Variants in TMPRSS15 observed in about 807,000 individuals in gnomAD.
The protein encoded by TMPRSS15 is enteropeptidase.
In TMPRSS15, 128 loss-of-function variants were observed where a neutral mutation model predicts 125.3. The observed-to-expected ratio is 1.02, with a 90% CI of 0.89 to 1.18. The LOEUF is 1.18. Among genes scored for constraint, TMPRSS15 ranks in the 50% most tolerant of loss-of-function variants. The pLI, the probability that TMPRSS15 is intolerant of heterozygous loss-of-function variation, is 0.00. For synonymous variants in TMPRSS15, 446 were observed against 423.2 expected, an observed-to-expected ratio of 1.05 and a Z score of -0.66; for missense variants, 1,283 against 1,212.7, an observed-to-expected ratio of 1.06 and a Z score of -0.86.
chr21:18,392,880 T>A (rs761665550), intron 3 of TMPRSS15, among the ~76,000 whole-genome samples: 1 of 152,104 alleles, frequency 6.6e-6, no homozygotes, highest in African/African-American at 2.4e-5. Flanking sequence ...TCAGATCTCA[T>A]GAGAACTCAT....
intron 4 of TMPRSS15, among the ~76,000 whole-genome samples, chr21:18,382,990 A>G (rs1047297112): frequency 6.6e-6 from 1 of 152,150 alleles, no homozygotes; most frequent in African/African-American, 2.4e-5. Flanking sequence ...ATTTTTATAA[A>G]TAGGTAACTG....
intron 17 of TMPRSS15, among the ~76,000 whole-genome samples, chr21:18,313,482 T>A (rs545764123): frequency 1.3e-5 from 2 of 151,258 alleles, no homozygotes; most frequent in African/African-American, 4.8e-5. Flanking sequence ...TAGAATTAAA[T>A]TTTTCAAATA....
At chr21:18,275,134 AATGAAATAACTAT>A in intron 24 of TMPRSS15, 50 bp downstream of exon 24, 1 of 1,573,248 alleles carries the variant, frequency 6.4e-7, no homozygotes, top group East Asian at 2.2e-5. Context: ...ATTGTTAAGC[AATGAAATAACTAT>A]AACACCAGTG....
In TMPRSS15 at chr21:18,353,069, A is replaced by T; in HGVS notation, c.1022-17T>A. 5 of 1,606,228 alleles carry T rather than the reference A, an allele frequency of 3.1e-6. No individual in the cohort carries two copies. The highest frequency in any genetic ancestry group is 4.3e-6 in the Non-Finnish European group (5 of 1,176,458). ...TCTCATAATCTGTGAATGAAAAAAA[A>T]GAAGGAATAAAAAAAATTTAGTCCA... is the stretch of plus-strand genomic sequence containing the variant. On this transcript the variant is annotated splice_polypyrimidine_tract_variant and intron_variant, in intron 9 of 24. Coordinates refer to ENST00000284885, the MANE Select transcript of TMPRSS15 (RefSeq NM_002772.3).
At chr21:18,342,997 C>G (rs1053371513) in intron 12 of TMPRSS15, among the ~76,000 whole-genome samples, 2 of 152,162 alleles carry the variant, frequency 1.3e-5, no homozygotes, top group Non-Finnish European at 2.9e-5. Flanking sequence ...AATTAATTCA[C>G]CTTAATGTGA....
At chr21:18,451,342 GTC>G (rs113351836) in intron 1 of TMPRSS15, among the ~76,000 whole-genome samples, 7,495 of 151,650 alleles carry the variant, frequency 0.049, 498 homozygotes, top group African/African-American at 0.15. Flanking sequence ...TGAACTAAAT[GTC>G]TGTTTTTATT....
chr21:18,426,077 T>G (rs2076202070), intron 1 of TMPRSS15, among the ~76,000 whole-genome samples: 1 of 152,166 alleles, frequency 6.6e-6, no homozygotes, highest in Non-Finnish European at 1.5e-5. Context: ...TGTAATGATG[T>G]CTTCCTTTTC....
chr21:18,389,522 A>G (rs1486449796), intron 3 of TMPRSS15, among the ~76,000 whole-genome samples: 2 of 152,206 alleles, frequency 1.3e-5, no homozygotes, highest in Admixed American at 1.3e-4. Flanking sequence ...CAAATAATTT[A>G]CAATTTTAAA....
chr21:18,396,792 A>AATCTGTCTGTCTG (rs1408156983), intron 3 of TMPRSS15, among the ~76,000 whole-genome samples: 142 of 112,772 alleles, frequency 1.3e-3, no homozygotes, highest in African/African-American at 4.8e-3. Flanking sequence ...AAAAAAAAAA[A>AATCTGTCTGTCTG]TCTGTCTGTC....
intron 18 of TMPRSS15, among the ~76,000 whole-genome samples, chr21:18,299,114 T>G (rs1417807077): frequency 6.6e-6 from 1 of 152,218 alleles, no homozygotes; most frequent in African/African-American, 2.4e-5. Flanking sequence ...TGAAATGGAT[T>G]TACCAAGGGA....
intron 1 of TMPRSS15, among the ~76,000 whole-genome samples, chr21:18,467,492 A>G (rs1368020112): frequency 6.6e-6 from 1 of 152,070 alleles, no homozygotes; most frequent in Non-Finnish European, 1.5e-5. Flanking sequence ...TTTGAGTAAT[A>G]AGTCTTGATA....
At chr21:18,383,562 A>G (rs1173316302) in intron 4 of TMPRSS15, 65 bp downstream of exon 4, 7 of 1,564,298 alleles carry the variant, frequency 4.5e-6, no homozygotes, top group Non-Finnish European at 5.2e-6. Context: ...CCTCCCTGGT[A>G]TATTGCTAGA....
At chr21:18,388,118 C>A (rs999603032) in intron 3 of TMPRSS15, among the ~76,000 whole-genome samples, 1 of 152,064 alleles carries the variant, frequency 6.6e-6, no homozygotes, top group African/African-American at 2.4e-5. Context: ...ATCTAACAGA[C>A]GTTTTTATGA....
At position 18,315,242 on chromosome 21, in the gene TMPRSS15, C is replaced by T. The variant is rs1044856468; in HGVS notation, c.1936G>A (p.Asp646Asn). 22 of 1,612,996 alleles carry T rather than the reference C, an allele frequency of 1.4e-5. No homozygotes were observed. Among genetic ancestry groups the T allele is most frequent in the Non-Finnish European group, 1.8e-5 (21 of 1,179,490 alleles). The change falls in exon 17 of 25, where the codon GAC becomes AAC. Residue 646 changes from aspartate (D) to asparagine (N), a missense_variant. Physicochemically the swap from Asp to Asn is conservative, Grantham distance 23. Coordinates refer to ENST00000284885, the MANE Select transcript of TMPRSS15 (RefSeq NM_002772.3). ...HLGIPEPCKADHFQCKNGECV... is the reference protein window; with the variant it reads ...HLGIPEPCKANHFQCKNGECV... ...TCTCCATTTTTACATTGAAAATGGT[C>T]TGCCTTGCATGGCTCTATGGGGAAA...
chr21:18,337,808 G>A (rs930260160), intron 13 of TMPRSS15, among the ~76,000 whole-genome samples: 1 of 151,946 alleles, frequency 6.6e-6, no homozygotes, highest in East Asian at 1.9e-4. Context: ...TCATTGATCT[G>A]GAACCAAAAA....
intron 8 of TMPRSS15, among the ~76,000 whole-genome samples, chr21:18,355,406 A>T (rs2075615231): frequency 6.6e-6 from 1 of 151,858 alleles, no homozygotes; most frequent in Non-Finnish European, 1.5e-5. Context: ...CTTACCTTGA[A>T]TTCCATTAAC....
intron 1 of TMPRSS15, among the ~76,000 whole-genome samples, chr21:18,448,279 T>C (rs958949136): frequency 1.3e-5 from 2 of 152,194 alleles, no homozygotes; most frequent in African/African-American, 4.8e-5. Flanking sequence ...TATGACATTG[T>C]GTCTAATTGA....
Position 18,440,904 on chromosome 21 carries a change from C to T in TMPRSS15, c.11-42575G>A, listed in dbSNP as rs145437326. 7.7e-3 allele frequency among the ~76,000 whole-genome samples: 1,174 copies of T among 152,104 alleles called. 19 individuals are homozygous for T. Among genetic ancestry groups the T allele is most frequent in the African/African-American group, 0.027 (1,119 of 41,502 alleles). On this transcript the variant is annotated intron_variant, in intron 1 of 7. Coordinates refer to the TMPRSS15 transcript ENST00000422787. ...TTTTCTGCTTAAAGTATAATTACTT[C>T]GATGTTACAGAATGATCAACCTACT...
At chr21:18,296,306 C>G (rs2074907259) in intron 19 of TMPRSS15, among the ~76,000 whole-genome samples, 1 of 152,110 alleles carries the variant, frequency 6.6e-6, no homozygotes, top group South Asian at 2.1e-4. Context: ...CATAGGGATA[C>G]AAACATAATC....
Sources: allele counts gnomAD v4.1 joint callset (sites outside exome capture counted in the v4.1 genomes callset), GRCh38; gene constraint gnomAD v4.1.1; transcripts MANE v1.5; gene names NCBI Gene and HGNC (gene_info 2026-07-23, HGNC 2026-07-21).